Variants in HCRTR2 observed in about 807,000 individuals in gnomAD.
HCRTR2 encodes hypocretin receptor 2, also known as orexin receptor type 2.
A neutral mutation model predicts 49.0 loss-of-function variants in HCRTR2; 22 were observed. The ratio of observed to expected loss-of-function variants is 0.45; its 90% CI spans 0.32 to 0.64. HCRTR2 has a LOEUF of 0.64. Ranked by LOEUF, HCRTR2 falls within the 30% of genes least tolerant of loss-of-function variation. HCRTR2 has a pLI of 0.04. For synonymous variants in HCRTR2, 236 were observed against 205.3 expected, an observed-to-expected ratio of 1.15 and a Z score of -1.28; for missense variants, 491 against 559.4, an observed-to-expected ratio of 0.88 and a Z score of 1.23.
chr6:55,261,461 G>A (rs570140857), intron 3 of HCRTR2, among the ~76,000 whole-genome samples: 5 of 151,964 alleles, frequency 3.3e-5, no homozygotes, highest in Admixed American at 6.6e-5. Flanking sequence ...CTGGAGTGCA[G>A]TGGCATGATC....
chr6:55,159,651 A>G (rs952843968), intron 1 of HCRTR2, among the ~76,000 whole-genome samples: 1 of 152,250 alleles, frequency 6.6e-6, no homozygotes, highest in South Asian at 2.1e-4. Flanking sequence ...AAATGACCTG[A>G]TGGAGCTGAA....
intron 1 of HCRTR2, among the ~76,000 whole-genome samples, chr6:55,184,753 A>T (rs1031159147): frequency 2.0e-4 from 31 of 152,338 alleles, no homozygotes; most frequent in African/African-American, 6.5e-4. Context: ...AACAATGATT[A>T]AAAATTATAA....
At chr6:55,268,683 G>T (rs1445375371) in intron 4 of HCRTR2, among the ~76,000 whole-genome samples, 5 of 152,132 alleles carry the variant, frequency 3.3e-5, no homozygotes, top group Non-Finnish European at 5.9e-5. Flanking sequence ...AAACATACAT[G>T]CATTTAGCCA....
intron 1 of HCRTR2, among the ~76,000 whole-genome samples, chr6:55,204,213 G>A (rs146321056): frequency 5.0e-4 from 76 of 152,210 alleles, no homozygotes; most frequent in African/African-American, 1.7e-3. Context: ...ATGACTCATG[G>A]AAGTTGGTAG....
chr6:55,160,615 G>A (rs1010496704), intron 1 of HCRTR2, among the ~76,000 whole-genome samples: 2 of 152,100 alleles, frequency 1.3e-5, no homozygotes, highest in Non-Finnish European at 1.5e-5. Context: ...ATACATATAG[G>A]CTCGAAATAA....
chr6:55,214,069 A>G (rs1290881071), intron 1 of HCRTR2, among the ~76,000 whole-genome samples: 1 of 152,210 alleles, frequency 6.6e-6, no homozygotes, highest in East Asian at 1.9e-4. Context: ...CATTGAGAAC[A>G]AAAGAGAGCT....
Position 55,282,582 on chromosome 6 carries a change from T to C in HCRTR2, c.*128T>C. 1.6e-6 allele frequency: 1 copy of C among 643,710 alleles called. No individual in the cohort carries two copies. The highest frequency in any genetic ancestry group is 2.7e-6 in the Non-Finnish European group (1 of 366,636). 39.9% of individuals were successfully genotyped at this position (643,710 alleles called of 1,614,324 possible). Reference sequence around the variant, plus strand: ...GTGGATCTTTTTTTTTTTTAATCTATTGCTCTTTGGAAATAAAAAAAAAGT... The same window carrying C: ...GTGGATCTTTTTTTTTTTTAATCTACTGCTCTTTGGAAATAAAAAAAAAGT... On this transcript the variant is annotated 3_prime_UTR_variant, in exon 7 of 7. Coordinates refer to ENST00000370862, the MANE Select transcript of HCRTR2 (RefSeq NM_001384272.1).
chr6:55,142,497 G>A (rs59630560), intron 1 of HCRTR2, among the ~76,000 whole-genome samples: 5,526 of 151,550 alleles, frequency 0.036, 333 homozygotes, highest in African/African-American at 0.12. Context: ...ATGAGCCACC[G>A]GGCCCGGCCT....
upstream of HCRTR2, among the ~76,000 whole-genome samples, chr6:55,170,819 G>A (rs1479208739): frequency 7.0e-6 from 1 of 143,528 alleles, no homozygotes; most frequent in Admixed American, 7.7e-5. Flanking sequence ...ACCTATGAGT[G>A]AGAACATACG....
chr6:55,126,956 CT>C (rs1219081210), intron 1 of HCRTR2, among the ~76,000 whole-genome samples: 1 of 152,164 alleles, frequency 6.6e-6, no homozygotes, highest in African/African-American at 2.4e-5. Context: ...CAGACTGCTG[CT>C]GTGCTGGCAG....
intron 1 of HCRTR2, among the ~76,000 whole-genome samples, chr6:55,125,888 T>C (rs1405995897): frequency 1.3e-5 from 2 of 152,192 alleles, no homozygotes; most frequent in Admixed American, 1.3e-4. Context: ...TGGTACCCTT[T>C]CTTCCACTTG....
At position 55,150,517 on chromosome 6, in the gene HCRTR2, G is replaced by C. The variant is rs146219919; in HGVS notation, c.-377-23694G>C. On this transcript the variant is annotated intron_variant, in intron 1 of 7. Transcript: ENST00000615358. ...CCCATTTCCACCTCCCCCGGCCCTGGATACTTCTGTTCTACTCTCTGCTTC... is the reference window on the plus strand; with the variant it reads ...CCCATTTCCACCTCCCCCGGCCCTGCATACTTCTGTTCTACTCTCTGCTTC... 2.0e-5 allele frequency among the ~76,000 whole-genome samples: 3 copies of C among 151,918 alleles called. No individual in the cohort carries two copies. The East Asian group carries it at 5.8e-4, about 29-fold the overall frequency.
At chr6:55,186,849 C>A in intron 1 of HCRTR2, among the ~76,000 whole-genome samples, 1 of 152,266 alleles carries the variant, frequency 6.6e-6, no homozygotes, top group African/African-American at 2.4e-5. Flanking sequence ...AGAGCCTAAG[C>A]TTTAGGAATC....
chr6:55,170,376 G>T (rs560523219), upstream of HCRTR2, among the ~76,000 whole-genome samples: 1 of 150,016 alleles, frequency 6.7e-6, no homozygotes, highest in African/African-American at 2.4e-5. Flanking sequence ...TTTGTTACAC[G>T]CATAGAATGT....
At position 55,277,362 on chromosome 6, in the gene HCRTR2, T is replaced by C. The variant is rs773751567; in HGVS notation, c.763-18T>C. On this transcript the variant is annotated intron_variant, in intron 4 of 6. Transcript: ENST00000370862. ...CCTAAGTCAAATTGCAATAAGGGTC[T>C]GTCTCTTCTCCTTTCAGATCCCTGG... 1 of 1,595,318 alleles carries C rather than the reference T, an allele frequency of 6.3e-7. No homozygotes were observed. Among genetic ancestry groups the C allele is most frequent in the Non-Finnish European group, 8.6e-7 (1 of 1,163,006 alleles).
intron 1 of HCRTR2, among the ~76,000 whole-genome samples, chr6:55,193,627 T>A (rs1383190455): frequency 6.6e-6 from 1 of 151,806 alleles, no homozygotes; most frequent in Non-Finnish European, 1.5e-5. Context: ...ATTCCTATGG[T>A]CCTCACCTCA....
At chr6:55,248,858 T>C in intron 2 of HCRTR2, 41 bp downstream of exon 2, 2 of 1,551,938 alleles carry the variant, frequency 1.3e-6, no homozygotes, top group Admixed American at 1.7e-5. Context: ...CTAAAAAGAA[T>C]GTTCAGCCAT....
chr6:55,253,604 A>G (rs995813110), intron 2 of HCRTR2, among the ~76,000 whole-genome samples: 6 of 152,166 alleles, frequency 3.9e-5, no homozygotes, highest in South Asian at 4.1e-4. Flanking sequence ...ACTATTCACA[A>G]TAACAAAAAC....
chr6:55,151,533 T>A (rs986397755), intron 1 of HCRTR2, among the ~76,000 whole-genome samples: 4 of 152,032 alleles, frequency 2.6e-5, no homozygotes, highest in Non-Finnish European at 5.9e-5. Context: ...TAATTCTATT[T>A]CTTTTGCTAT....
Sources: gnomAD v4.1 joint callset for allele counts (sites outside exome capture counted in the v4.1 genomes callset) on GRCh38, gnomAD v4.1.1 for gene constraint, MANE v1.5 for transcripts, NCBI Gene and HGNC (gene_info 2026-07-23, HGNC 2026-07-21) for gene names.